Variants in ADH6 observed in about 807,000 individuals in gnomAD.
ADH6 encodes alcohol dehydrogenase 6 (class V), also known as alcohol dehydrogenase 6.
A neutral mutation model predicts 36.5 loss-of-function variants in ADH6; 34 were observed. The ratio of observed to expected loss-of-function variants is 0.93; its 90% CI spans 0.71 to 1.24. The LOEUF (loss-of-function observed/expected upper bound fraction) is 1.24, where lower values mean the gene tolerates loss of function less well. Among genes scored for constraint, ADH6 ranks in the 50% most tolerant of loss-of-function variants. ADH6 has a pLI of 0.00. For synonymous variants in ADH6, 161 were observed against 155.5 expected (o/e 1.04, Z -0.26); for missense variants, 440 against 447.0 (o/e 0.98, Z 0.14).
At chr4:99,204,846 C>T (rs1289831297) in intron 8 of ADH6, 79 bp downstream of exon 8, 4 of 1,499,574 alleles carry the variant, frequency 2.7e-6, no homozygotes, top group Admixed American at 2.3e-5. Context: ...CAGGGACGAC[C>T]CTTCTTCTAC....
intron 2 of ADH6, among the ~76,000 whole-genome samples, chr4:99,214,086 C>G (rs145396962): frequency 6.6e-6 from 1 of 151,910 alleles, no homozygotes; most frequent in Non-Finnish European, 1.5e-5. Flanking sequence ...GGAGAAAGAA[C>G]GACTATAAAA....
Position 99,216,158 on chromosome 4 carries a change from T to TTTTTTAA in ADH6, c.120+2_120+3insTTAAAAA. The TTTTTTAA allele has an allele frequency of 7.7e-7, 1 of 1,302,010 alleles. No homozygotes were observed. The highest frequency in any genetic ancestry group is 1.0e-6 in the Non-Finnish European group (1 of 970,042). 80.7% of individuals were successfully genotyped at this position (1,302,010 alleles called of 1,614,324 possible). ...TGATTTTTTTTTTTTTTTTTTTTTT[T>TTTTTTAA]ACCTTTATGCGAACTTCCTTTGCCT... On this transcript the variant is annotated splice_region_variant and intron_variant, in intron 2 of 8. Transcript: ENST00000394899.
intron 2 of ADH6, among the ~76,000 whole-genome samples, chr4:99,213,968 T>C (rs1473686511): frequency 6.6e-6 from 1 of 152,192 alleles, no homozygotes; most frequent in African/African-American, 2.4e-5. Context: ...GAAAATTTAC[T>C]GGGGAGTGTG....
Position 99,208,800 on chromosome 4 carries a change from CT to C in ADH6, c.695del (p.Lys232ArgfsTer16). On this transcript the variant is annotated frameshift_variant, in exon 6 of 9. Transcript: ENST00000394899. LOFTEE classifies it high-confidence loss of function. ...GVDVNKEKFK[K>X]AQELGATECL... is the part of the protein sequence containing the mutation. The stretch of plus-strand genomic sequence containing the variant: ...ACTCAGTAGCACCCAATTCCTGTGC[CT>C]TCTTAAATTTCTCCTTGTTGACATC... The C allele has an allele frequency of 1.2e-6, 2 of 1,613,786 alleles. No individual in the cohort carries two copies. Among genetic ancestry groups the C allele is most frequent in the Non-Finnish European group, 1.7e-6 (2 of 1,179,800 alleles).
Position 99,204,958 on chromosome 4 carries a change from T to C in ADH6, c.1070A>G (p.Asn357Ser). 1.2e-6 allele frequency: 2 copies of C among 1,609,598 alleles called. No homozygotes were observed. The highest frequency in any genetic ancestry group is 1.1e-5 in the South Asian group (1 of 89,952). The change falls in exon 8 of 9, where the codon AAT (asparagine) becomes AGT (serine). Residue 357 changes from asparagine (N) to serine (S), a missense_variant. By Grantham distance (46) the Asn-to-Ser change is conservative. Coordinates refer to ENST00000394899, the MANE Select transcript of ADH6 (RefSeq NM_001102470.2). ...AGTTTTCATTAATTCAACTGCTTCA[T>C]TGATTTTATCAAGATTCAGAGTATG... is the stretch of plus-strand genomic sequence containing the variant. ...ITHTLNLDKI[N>S]EAVELMKTGK...
chr4:99,208,936 C>T lies in ADH6; in HGVS notation c.568-8G>A. The T allele has an allele frequency of 1.2e-6, 2 of 1,601,632 alleles. No individual in the cohort carries two copies. Among genetic ancestry groups the T allele is most frequent in the Non-Finnish European group, 1.7e-6 (2 of 1,174,772 alleles). On this transcript the variant is annotated splice_polypyrimidine_tract_variant and splice_region_variant and intron_variant, in intron 5 of 8. Transcript: ENST00000394899. ...GGTAGAACCTGGAGTCACCTAAACA[C>T]ATACAGGCAGAAAACTCAGAAAACA...
At chr4:99,204,621 C>CA in intron 8 of ADH6, 1 of 1,167,638 alleles carries the variant, frequency 8.6e-7, no homozygotes, top group Non-Finnish European at 1.1e-6. Context: ...ACTTGAGCTA[C>CA]AATTTTATAA....
chr4:99,210,348 A>T (rs765666104), intron 4 of ADH6, 50 bp from the exon 5 acceptor site: 1 of 1,599,984 alleles, frequency 6.3e-7, no homozygotes, highest in African/African-American at 1.3e-5. Flanking sequence ...TTTGAATTAG[A>T]AAGCTTAGAT....
At chr4:99,209,659 A>G (rs1027948758) in intron 5 of ADH6, among the ~76,000 whole-genome samples, 1 of 152,136 alleles carries the variant, frequency 6.6e-6, no homozygotes, top group African/African-American at 2.4e-5. Context: ...AGCATTTATC[A>G]CTACCTAATA....
intron 1 of ADH6, among the ~76,000 whole-genome samples, chr4:99,217,279 G>A (rs557269226): frequency 2.2e-4 from 33 of 151,960 alleles, no homozygotes; most frequent in South Asian, 4.2e-4. Context: ...CTCGTGATCC[G>A]CCCACCTTGG....
intron 1 of ADH6, among the ~76,000 whole-genome samples, chr4:99,217,730 C>T (rs1731499993): frequency 6.6e-6 from 1 of 152,074 alleles, no homozygotes; most frequent in Non-Finnish European, 1.5e-5. Context: ...GGTAGGTACC[C>T]AGTAGTGGGA....
intron 7 of ADH6, 52 bp from the exon 8 acceptor site, chr4:99,205,115 G>C: frequency 1.3e-6 from 2 of 1,501,948 alleles, no homozygotes; most frequent in South Asian, 1.4e-5. Flanking sequence ...CATTATAAAG[G>C]AAAGGTCATT....
Position 99,205,044 on chromosome 4 carries a change from G to A in ADH6, c.984C>T (p.His328=), listed in dbSNP as rs754832438. 6.3e-7 allele frequency: 1 copy of A among 1,584,758 alleles called. No individual in the cohort carries two copies. Among genetic ancestry groups the A allele is most frequent in the Admixed American group, 1.8e-5 (1 of 55,788 alleles). Residue 328 remains histidine, a synonymous_variant, in exon 8 of 9, where the codon CAC becomes CAT. Coordinates refer to ENST00000394899, the MANE Select transcript of ADH6 (RefSeq NM_001102470.2). ...TATAATCAGCAACCAGTTTAGGGAT[G>A]TGCTGTCTGCTCTTCCAGCCTGGAA... ...SVFGGWKSRQ[H]IPKLVADYMA...
chr4:99,203,367 C>G lies in ADH6; in HGVS notation c.*852G>C, dbSNP rs533512278. On this transcript the variant is annotated 3_prime_UTR_variant, in exon 9 of 9. Coordinates refer to ENST00000394899, the MANE Select transcript of ADH6 (RefSeq NM_001102470.2). ...GGGCTGGGGCAGAAAGTCAAAGGGT[C>G]GGGGTAGAAGGATTGGATGCCACAA... is the stretch of plus-strand genomic sequence containing the variant. The G allele has an allele frequency of 6.6e-6, 1 of 151,866 alleles. No homozygotes were observed. The highest frequency in any genetic ancestry group is 6.6e-5 in the Admixed American group (1 of 15,230). The allele number at this position is 151,866 out of a possible 1,614,324, so 9.4% of individuals were successfully genotyped here.
chr4:99,205,204 A>G, intron 7 of ADH6, 141 bp from the exon 8 acceptor site: 1 of 822,762 alleles, frequency 1.2e-6, no homozygotes, highest in Non-Finnish European at 1.8e-6. Flanking sequence ...TCATCAGGAG[A>G]ATGCCTACCC....
chr4:99,218,663 G>A (rs891853529), intron 1 of ADH6, among the ~76,000 whole-genome samples: 1 of 152,074 alleles, frequency 6.6e-6, no homozygotes. Flanking sequence ...CTCAGTCTCT[G>A]TATTACTCCT....
Position 99,213,519 on chromosome 4 carries a change from A to G in ADH6, c.262+87T>C, listed in dbSNP as rs183824993. 24 of 1,286,252 alleles carry G rather than the reference A, an allele frequency of 1.9e-5. No homozygotes were observed. In the Admixed American group the frequency reaches 5.5e-4, roughly 30 times the overall value. 79.7% of individuals were successfully genotyped at this position (1,286,252 alleles called of 1,614,324 possible). On this transcript the variant is annotated intron_variant, in intron 3 of 8. Transcript: ENST00000394899. Reference sequence around the variant, plus strand: ...AACATTTCACCTTTCATTTCACTTGATCCTGACATACTTAAGGGGTGCTTA... The same window carrying G: ...AACATTTCACCTTTCATTTCACTTGGTCCTGACATACTTAAGGGGTGCTTA...
intron 6 of ADH6, among the ~76,000 whole-genome samples, chr4:99,207,978 T>C (rs1324024199): frequency 3.3e-5 from 5 of 152,134 alleles, no homozygotes; most frequent in Non-Finnish European, 4.4e-5. Context: ...GAGAAACAGA[T>C]ACCGTTACAT....
At position 99,204,974 on chromosome 4, in the gene ADH6, T is replaced by C. The variant is rs933906602; in HGVS notation, c.1054A>G (p.Asn352Asp). The C allele has an allele frequency of 3.7e-6, 6 of 1,609,924 alleles. No individual in the cohort carries two copies. The highest frequency in any genetic ancestry group is 5.1e-6 in the Non-Finnish European group (6 of 1,178,116). The change falls in exon 8 of 9, where the codon AAT (asparagine) becomes GAT (aspartate). Residue 352 changes from asparagine to aspartate, a missense_variant. By Grantham distance (23) the Asn-to-Asp change is conservative. Coordinates refer to ENST00000394899, the MANE Select transcript of ADH6 (RefSeq NM_001102470.2). ...ACTGCTTCATTGATTTTATCAAGAT[T>C]CAGAGTATGAGTAATTAGTGGATCT... is the stretch of plus-strand genomic sequence containing the variant. ...NLDPLITHTL[N>D]LDKINEAVEL...
Sources: gnomAD v4.1 joint callset for allele counts (sites outside exome capture counted in the v4.1 genomes callset) on GRCh38, gnomAD v4.1.1 for gene constraint, MANE v1.5 for transcripts, NCBI Gene and HGNC (gene_info 2026-07-23, HGNC 2026-07-21) for gene names.